Variants in XKR4 observed in about 807,000 individuals in gnomAD.
XKR4 encodes XK-related protein 4.
XKR4 carries 12 observed loss-of-function variants against 53.9 expected under a neutral mutation model. That is an observed-to-expected ratio of 0.22 (90% CI 0.14 to 0.36). The LOEUF is 0.36. Among genes scored for constraint, XKR4 ranks in the 10% least tolerant of loss-of-function variants. XKR4 has a pLI of 1.00. For missense variants in XKR4, 799 were observed against 859.5 expected, an observed-to-expected ratio of 0.93 and a Z score of 0.88; for synonymous variants, 354 against 362.4, an observed-to-expected ratio of 0.98 and a Z score of 0.26.
intron 2 of XKR4, among the ~76,000 whole-genome samples, chr8:55,414,934 C>T (rs1804826717): frequency 6.6e-6 from 1 of 152,194 alleles, no homozygotes; most frequent in South Asian, 2.1e-4. Flanking sequence ...ACTCACAAAG[C>T]TCCAGACCAG....
intron 2 of XKR4, among the ~76,000 whole-genome samples, chr8:55,394,455 G>A (rs1804487491): frequency 1.3e-5 from 2 of 152,084 alleles, no homozygotes. Context: ...ATAAAACTAA[G>A]CATTATGAAA....
intron 1 of XKR4, among the ~76,000 whole-genome samples, chr8:55,189,553 AGTT>A (rs1817418043): frequency 6.6e-6 from 1 of 152,208 alleles, no homozygotes; most frequent in African/African-American, 2.4e-5. Flanking sequence ...TACTGTAGGC[AGTT>A]GTAACGCTGT....
At chr8:55,274,759 G>A (rs917598162) in intron 1 of XKR4, among the ~76,000 whole-genome samples, 7 of 152,086 alleles carry the variant, frequency 4.6e-5, no homozygotes, top group African/African-American at 1.4e-4. Context: ...TAAGGACTCC[G>A]TCATTCATAC....
At chr8:55,451,248 C>A (rs575754951) in intron 2 of XKR4, 6 of 574,392 alleles carry the variant, frequency 1.0e-5, no homozygotes, top group South Asian at 1.0e-4. Flanking sequence ...CCCACTGCTG[C>A]GCCCACAGGT....
intron 1 of XKR4, among the ~76,000 whole-genome samples, chr8:55,227,172 G>T (rs753025585): frequency 1.3e-5 from 2 of 152,150 alleles, no homozygotes; most frequent in African/African-American, 4.8e-5. Context: ...TCTCATCTGC[G>T]TTGTTCCCTA....
chr8:55,436,345 G>C (rs1213415694), intron 2 of XKR4, among the ~76,000 whole-genome samples: 4 of 152,092 alleles, frequency 2.6e-5, no homozygotes, highest in Non-Finnish European at 4.4e-5. Flanking sequence ...TTACATCTCT[G>C]CTAAGAATAG....
intron 2 of XKR4, among the ~76,000 whole-genome samples, chr8:55,487,888 C>T (rs1245084389): frequency 6.6e-6 from 1 of 152,182 alleles, no homozygotes; most frequent in Non-Finnish European, 1.5e-5. Flanking sequence ...AAGCCAATAG[C>T]AGATAATAGT....
chr8:55,287,827 G>A (rs1818929110), intron 1 of XKR4, among the ~76,000 whole-genome samples: 1 of 152,184 alleles, frequency 6.6e-6, no homozygotes, highest in South Asian at 2.1e-4. Flanking sequence ...CTAACAATCT[G>A]CAAGCAAAAA....
intron 1 of XKR4, among the ~76,000 whole-genome samples, chr8:55,113,412 G>T (rs1816260511): frequency 6.6e-6 from 1 of 152,166 alleles, no homozygotes; most frequent in Non-Finnish European, 1.5e-5. Flanking sequence ...GAAGGAGTAG[G>T]AAAATCGTAC....
intron 1 of XKR4, among the ~76,000 whole-genome samples, chr8:55,267,373 A>T (rs143583468): frequency 2.0e-5 from 3 of 152,216 alleles, no homozygotes; most frequent in African/African-American, 7.2e-5. Flanking sequence ...TGCTTTTTCC[A>T]GCAACCCTGT....
At chr8:55,260,492 G>A (rs116298044) in intron 1 of XKR4, among the ~76,000 whole-genome samples, 1 of 152,174 alleles carries the variant, frequency 6.6e-6, no homozygotes, top group African/African-American at 2.4e-5. Context: ...CTCACGCCAA[G>A]GAAATCAAGG....
chr8:55,507,716 T>C (rs1349278152), intron 2 of XKR4, among the ~76,000 whole-genome samples: 1 of 152,196 alleles, frequency 6.6e-6, no homozygotes, highest in African/African-American at 2.4e-5. Flanking sequence ...CCATGGTGTA[T>C]ATGTGCCACA....
At chr8:55,143,469 T>TA (rs1447310900) in intron 1 of XKR4, among the ~76,000 whole-genome samples, 2 of 152,220 alleles carry the variant, frequency 1.3e-5, no homozygotes, top group Non-Finnish European at 2.9e-5. Flanking sequence ...TTTAAAAGTA[T>TA]AAAAAATTAT....
intron 2 of XKR4, among the ~76,000 whole-genome samples, chr8:55,408,962 G>A (rs1254711946): frequency 3.3e-5 from 5 of 149,516 alleles, no homozygotes; most frequent in Admixed American, 2.0e-4. Flanking sequence ...AGCCGAGATC[G>A]TGCCACTGCA....
chr8:55,288,849 T>C (rs1818943995), intron 1 of XKR4, among the ~76,000 whole-genome samples: 2 of 152,216 alleles, frequency 1.3e-5, no homozygotes, highest in African/African-American at 4.8e-5. Flanking sequence ...GTTTGAACCA[T>C]GGCAATAACA....
intron 1 of XKR4, among the ~76,000 whole-genome samples, chr8:55,342,059 T>C (rs146713423): frequency 0.014 from 2,083 of 152,074 alleles, 18 homozygotes; most frequent in Middle Eastern, 0.027. Context: ...TTAAAAAGCA[T>C]GTCAAACTTA....
intron 1 of XKR4, among the ~76,000 whole-genome samples, chr8:55,103,851 GTA>G (rs60831330): frequency 0.11 from 11,205 of 105,310 alleles, 798 homozygotes; most frequent in South Asian, 0.13. Flanking sequence ...AAATGACTTT[GTA>G]TATATATATA....
In XKR4 at chr8:55,258,859, G is replaced by A. The variant is rs923956711; in HGVS notation, c.807-98819G>A. On this transcript the variant is annotated intron_variant, in intron 1 of 2. Coordinates refer to ENST00000327381, the MANE Select transcript of XKR4 (RefSeq NM_052898.2). Reference sequence around the variant, plus strand: ...GGACCTGTGGCCCCAGAAAGAGAATGTGCAGCCACCGGGGAGTTGGAAAAG... The same window carrying A: ...GGACCTGTGGCCCCAGAAAGAGAATATGCAGCCACCGGGGAGTTGGAAAAG... Among the ~76,000 whole-genome samples the A allele has an allele frequency of 3.3e-5, 5 of 152,288 alleles. No homozygotes were observed. The Middle Eastern group carries it at 0.01, about 311-fold the overall frequency.
chr8:55,438,148 CA>C (rs371336409), intron 2 of XKR4, among the ~76,000 whole-genome samples: 2,645 of 146,072 alleles, frequency 0.018, 40 homozygotes, highest in African/African-American at 0.036. Context: ...CATTACCAGA[CA>C]AAAAAAAAAG....
Sources: allele counts gnomAD v4.1 joint callset (sites outside exome capture counted in the v4.1 genomes callset), GRCh38; gene constraint gnomAD v4.1.1; transcripts MANE v1.5; gene names NCBI Gene and HGNC (gene_info 2026-07-23, HGNC 2026-07-21).